Variants in BCLAF1 observed in about 807,000 individuals in gnomAD.
The protein encoded by BCLAF1 is BCL2 associated transcription factor 1.
BCLAF1 carries 10 observed loss-of-function variants against 99.5 expected under a neutral mutation model. The ratio of observed to expected loss-of-function variants is 0.10; its 90% CI spans 0.06 to 0.17. The LOEUF (loss-of-function observed/expected upper bound fraction) is 0.17, where lower values mean the gene tolerates loss of function less well. Among genes scored for constraint, BCLAF1 ranks in the 10% least tolerant of loss-of-function variants. The pLI is 1.00. For missense variants in BCLAF1, 636 were observed against 1,105.8 expected (o/e 0.58, Z 6.02); for synonymous variants, 255 against 370.9 (o/e 0.69, Z 3.59).
At position 136,261,306 on chromosome 6, in the gene BCLAF1, C is replaced by G. The variant is rs755829144; in HGVS notation, c.2716G>C (p.Glu906Gln). Reference protein sequence around the residue: ...GIVEDEEETMENNEEKKDRRK... With the variant: ...GIVEDEEETMQNNEEKKDRRK... ...CTGTCCTTCTTTTCTTCATTATTTTCCATGGTCTCTTCTTCATCTTCAACA... is the reference window on the plus strand; with the variant it reads ...CTGTCCTTCTTTTCTTCATTATTTTGCATGGTCTCTTCTTCATCTTCAACA... Residue 906 changes from glutamate (E) to glutamine (Q), a missense_variant, in exon 12 of 13, where the codon GAA becomes CAA. Physicochemically the swap from Glu to Gln is conservative, Grantham distance 29 (BLOSUM62 2). Transcript: ENST00000531224. 4.3e-6 allele frequency: 7 copies of G among 1,613,838 alleles called. No individual in the cohort carries two copies. In the East Asian group the frequency reaches 1.6e-4, roughly 36 times the overall value.
chr6:136,284,252 C>A (rs1225924907), intron 1 of BCLAF1, among the ~76,000 whole-genome samples: 1 of 150,642 alleles, frequency 6.6e-6, no homozygotes, highest in Non-Finnish European at 1.5e-5. Flanking sequence ...ACTGACAGAA[C>A]AGGGAATACA....
chr6:136,275,460 A>G (rs918186766), intron 6 of BCLAF1, 72 bp downstream of exon 6: 34 of 1,348,014 alleles, frequency 2.5e-5, no homozygotes, highest in Non-Finnish European at 1.9e-5. Flanking sequence ...TGAATTATTA[A>G]GCATAATTAC....
chr6:136,268,112 A>C, intron 10 of BCLAF1, 50 bp downstream of exon 10: 1 of 1,460,666 alleles, frequency 6.8e-7, no homozygotes, highest in Non-Finnish European at 9.1e-7. Flanking sequence ...TATGTACAGT[A>C]CTCTAAGATA....
chr6:136,260,734 T>C lies in BCLAF1; in HGVS notation c.*376A>G, dbSNP rs377678323. ...CAATTTCTGTTCCAGGATTTATATG[T>C]AGAGCTAACGTTTACTTCAGAATAA... is the stretch of plus-strand genomic sequence containing the variant. On this transcript the variant is annotated 3_prime_UTR_variant, in exon 13 of 13. Transcript: ENST00000531224. 23 of 291,474 alleles carry C rather than the reference T, an allele frequency of 7.9e-5. No individual in the cohort carries two copies. The highest frequency in any genetic ancestry group is 5.2e-4 in the East Asian group (9 of 17,310). The allele number at this position is 291,474 out of a possible 1,614,324, so 18.1% of individuals were successfully genotyped here. A position where few individuals can be genotyped will look rare whatever the true frequency, so the allele number is the denominator to read the frequency against.
In BCLAF1 at chr6:136,278,115, T is replaced by G. The variant is rs751554338; in HGVS notation, c.766A>C (p.Asn256His). 6.2e-7 allele frequency: 1 copy of G among 1,606,158 alleles called. No homozygotes were observed. The highest frequency in any genetic ancestry group is 1.3e-5 in the African/African-American group (1 of 74,734). Residue 256 changes from asparagine to histidine, a missense_variant, in exon 4 of 13, where the codon AAT (asparagine) becomes CAT (histidine). By Grantham distance (68) the Asn-to-His change is moderately conservative. Around this residue, in one of 9 missense-constraint regions of BCLAF1, gnomAD observed 5 missense variants for 35.0 expected, o/e 0.14. Coordinates refer to ENST00000531224, the MANE Select transcript of BCLAF1 (RefSeq NM_014739.3). Reference protein sequence around the residue: ...PMLSTVHSAKNTPSQHSHSIQ... With the variant: ...PMLSTVHSAKHTPSQHSHSIQ... Reference sequence around the variant, plus strand: ...GAATGTGAATGCTGAGAAGGAGTATTTTTTGCAGAGTGAACTGTACTGAGC... The same window carrying G: ...GAATGTGAATGCTGAGAAGGAGTATGTTTTGCAGAGTGAACTGTACTGAGC...
intron 2 of BCLAF1, among the ~76,000 whole-genome samples, chr6:136,280,777 C>T (rs928359243): frequency 6.6e-6 from 1 of 152,062 alleles, no homozygotes; most frequent in African/African-American, 2.4e-5. Flanking sequence ...GCATGCATAT[C>T]CCAAATGTCA....
chr6:136,287,050 G>T (rs1785234836), intron 1 of BCLAF1, among the ~76,000 whole-genome samples: 2 of 151,946 alleles, frequency 1.3e-5, no homozygotes, highest in African/African-American at 4.8e-5. Flanking sequence ...TGAAGCACAA[G>T]AATCACTTCA....
At chr6:136,267,775 C>T in intron 10 of BCLAF1, among the ~76,000 whole-genome samples, 1 of 151,856 alleles carries the variant, frequency 6.6e-6, no homozygotes, top group Non-Finnish European at 1.5e-5. Flanking sequence ...TTGAAGAAAG[C>T]AGGCAAAATG....
At chr6:136,262,035 A>G (rs1279304535) in intron 11 of BCLAF1, among the ~76,000 whole-genome samples, 2 of 152,156 alleles carry the variant, frequency 1.3e-5, no homozygotes, top group Non-Finnish European at 2.9e-5. Flanking sequence ...AGAGAATTTC[A>G]ATGGTAAATC....
chr6:136,282,544 A>G (rs1784514490), intron 2 of BCLAF1, 40 bp downstream of exon 2: 1 of 152,150 alleles, frequency 6.6e-6, no homozygotes, highest in Non-Finnish European at 1.5e-5. Context: ...TTCCTCAAAA[A>G]AGTCAAAAGT....
intron 2 of BCLAF1, 142 bp downstream of exon 2, chr6:136,282,442 T>G (rs957893310): frequency 3.3e-5 from 5 of 152,170 alleles, no homozygotes; most frequent in Non-Finnish European, 7.4e-5. Flanking sequence ...TCTGACTTAC[T>G]TCATACAAGC....
intron 9 of BCLAF1, chr6:136,268,946 G>GGT (rs1782129801): frequency 8.0e-6 from 2 of 250,852 alleles, no homozygotes; most frequent in Non-Finnish European, 1.4e-5. Flanking sequence ...TCATACCTGT[G>GGT]GTTAACTCTT....
chr6:136,287,053 T>C (rs1785235140), intron 1 of BCLAF1, among the ~76,000 whole-genome samples: 1 of 151,622 alleles, frequency 6.6e-6, no homozygotes, highest in Non-Finnish European at 1.5e-5. Context: ...AGCACAAGAA[T>C]CACTTCAACC....
At chr6:136,273,950 G>T in intron 6 of BCLAF1, 1 of 1,193,084 alleles carries the variant, frequency 8.4e-7, no homozygotes, top group South Asian at 1.6e-5. Context: ...ACATACATCT[G>T]TTGTCAACTT....
In BCLAF1 at chr6:136,260,401, A is replaced by C. The variant is rs558784509; in HGVS notation, c.*709T>G. On this transcript the variant is annotated 3_prime_UTR_variant, in exon 13 of 13. Coordinates refer to ENST00000531224, the MANE Select transcript of BCLAF1 (RefSeq NM_014739.3). ...AAATAGGAATAGAAAGAGAACACACAGTTTTGAACGCAAATAGAAAAGGCT... is the reference window on the plus strand; with the variant it reads ...AAATAGGAATAGAAAGAGAACACACCGTTTTGAACGCAAATAGAAAAGGCT... The C allele has an allele frequency of 1.4e-4, 22 of 152,220 alleles. No individual in the cohort carries two copies. Among genetic ancestry groups the C allele is most frequent in the African/African-American group, 4.8e-4 (20 of 41,570 alleles). The allele number at this position is 152,220 out of a possible 1,614,324, so 9.4% of individuals were successfully genotyped here.
intron 4 of BCLAF1, 72 bp downstream of exon 4, chr6:136,277,793 G>A (rs1584071911): frequency 1.9e-5 from 28 of 1,489,838 alleles, no homozygotes; most frequent in Admixed American, 6.8e-5. Context: ...ACAATTTTAC[G>A]TTTATAATTC....
intron 2 of BCLAF1, among the ~76,000 whole-genome samples, chr6:136,281,009 T>C (rs1784322150): frequency 6.6e-6 from 1 of 152,160 alleles, no homozygotes; most frequent in Non-Finnish European, 1.5e-5. Flanking sequence ...CTAGACTTTG[T>C]TCGGTATAAT....
chr6:136,279,915 A>G lies in BCLAF1; in HGVS notation c.-10-39T>C, dbSNP rs544131121. The G allele has an allele frequency of 5.7e-6, 8 of 1,393,634 alleles. No individual in the cohort carries two copies. In the South Asian group the frequency reaches 7.2e-5, roughly 13 times the overall value. The allele number at this position is 1,393,634 out of a possible 1,614,324, so 86.3% of individuals were successfully genotyped here. ...AGGGCAAAAAAAGGTTAAAATTACA[A>G]TATGATATTTAAAATTTTACATTAT... On this transcript the variant is annotated intron_variant, in intron 2 of 12. Coordinates refer to ENST00000531224, the MANE Select transcript of BCLAF1 (RefSeq NM_014739.3).
rs532058609 is a variant in BCLAF1 at position 136,259,472 on chromosome 6, C to G, written c.*1638G>C. On this transcript the variant is annotated 3_prime_UTR_variant, in exon 13 of 13. Coordinates refer to ENST00000531224, the MANE Select transcript of BCLAF1 (RefSeq NM_014739.3). ...ACACGTAAATAAGTATTATTCTGAA[C>G]AGGAGAATATTAGTTATGCCCTGAT... 3.7e-4 allele frequency: 57 copies of G among 152,126 alleles called. No homozygotes were observed. The highest frequency in any genetic ancestry group is 1.3e-3 in the African/African-American group (56 of 41,544). The allele number at this position is 152,126 out of a possible 1,614,324, so 9.4% of individuals were successfully genotyped here.
Sources: allele counts gnomAD v4.1 joint callset (sites outside exome capture counted in the v4.1 genomes callset), GRCh38; gene constraint gnomAD v4.1.1; regional missense constraint gnomAD v4.1.1; transcripts MANE v1.5; gene names NCBI Gene and HGNC (gene_info 2026-07-23, HGNC 2026-07-21).